The following LIPE variants were observed in gnomAD, a reference collection of about 807,000 sequenced individuals.
LIPE encodes hormone-sensitive lipase.
LIPE carries 66 observed loss-of-function variants against 88.5 expected under a neutral mutation model. The ratio of observed to expected loss-of-function variants is 0.75; its 90% confidence interval spans 0.61 to 0.91. The LOEUF (loss-of-function observed/expected upper bound fraction) is 0.91, where lower values mean the gene tolerates loss of function less well. LIPE is among the 40% of genes least tolerant of loss of function. The probability of loss-of-function intolerance (pLI) is 0.00; values close to 1 mark genes in which losing one functional copy is unlikely to be tolerated. For synonymous variants in LIPE, 570 were observed against 617.5 expected (o/e 0.92, Z 1.14); for missense variants, 1,346 against 1,434.7 (o/e 0.94, Z 1.00).
At position 42,408,090 on chromosome 19, in the gene LIPE, G is replaced by A. The variant is rs1357851440; in HGVS notation, c.1542C>T (p.Gly514=). Residue 514 remains glycine (G), a synonymous_variant, in exon 4 of 10, where the codon GGC becomes GGT. Transcript: ENST00000244289. The surrounding 1 kb of genome is among the most constrained non-coding windows in gnomAD (Gnocchi z 4.3). ...GCAGCTCGGGGTCGATGGCAAAGCGGCCGCTGGTGAAGAGAGAGCTGGCGG... is the reference window on the plus strand; with the variant it reads ...GCAGCTCGGGGTCGATGGCAAAGCGACCGCTGGTGAAGAGAGAGCTGGCGG... The part of the protein sequence containing the change: ...SVAASSLFTS[G]RFAIDPELRG... 6.2e-7 allele frequency: 1 copy of A among 1,613,922 alleles called. No homozygotes were observed. Among genetic ancestry groups the A allele is most frequent in the Non-Finnish European group, 8.5e-7 (1 of 1,179,944 alleles).
Position 42,408,936 on chromosome 19 carries a change from T to C in LIPE, c.1420-614A>G, listed in dbSNP as rs986280400. ...GTGGGGAGAGGGGCAGGTGGTGACA[T>C]TGGAGAGGCAAAGGGGGCTCATATA... On this transcript the variant is annotated intron_variant, in intron 2 of 9. Coordinates refer to ENST00000244289, the MANE Select transcript of LIPE (RefSeq NM_005357.4). This position sits in a 1 kb window ranked among gnomAD's most constrained non-coding sequence, Gnocchi z 4.3. Among the ~76,000 whole-genome samples, 9 of 151,516 alleles carry C rather than the reference T, an allele frequency of 5.9e-5. No individual in the cohort carries two copies. The highest frequency in any genetic ancestry group is 3.9e-4 in the East Asian group (2 of 5,148).
In LIPE at chr19:42,409,819, G is replaced by A. The variant is rs371740474; in HGVS notation, c.1419+488C>T. The stretch of plus-strand genomic sequence containing the variant: ...TGTGGGTTCAGCCCTGGTGAGGGGA[G>A]GTTTCCAGGAATGCCTGGGCTGGGT... On this transcript the variant is annotated intron_variant, in intron 2 of 9. Transcript: ENST00000244289. Among the ~76,000 whole-genome samples the A allele has an allele frequency of 4.6e-5, 7 of 152,340 alleles. No homozygotes were observed. The South Asian group carries it at 1.4e-3, about 32-fold the overall frequency.
rs1040983034 is a variant in LIPE at position 42,408,338 on chromosome 19, G to C, written c.1420-16C>G. The C allele has an allele frequency of 6.2e-7, 1 of 1,606,372 alleles. No homozygotes were observed. Among genetic ancestry groups the C allele is most frequent in the South Asian group, 1.1e-5 (1 of 90,948 alleles). On this transcript the variant is annotated splice_polypyrimidine_tract_variant and intron_variant, in intron 2 of 9. Coordinates refer to ENST00000244289, the MANE Select transcript of LIPE (RefSeq NM_005357.4). This position sits in a 1 kb window ranked among gnomAD's most constrained non-coding sequence, Gnocchi z 4.3. ...CAGGCGTGAACTGTGGAGAGACGCG[G>C]CTGCGTCACCCACCGCTCAAGAGAG...
intron 1 of LIPE, among the ~76,000 whole-genome samples, chr19:42,421,230 TTTCCTC>T (rs1303672383): frequency 1.3e-5 from 2 of 152,092 alleles, no homozygotes; most frequent in Non-Finnish European, 2.9e-5. Flanking sequence ...GCCTGCCCTG[TTTCCTC>T]TTCCTCTTCC....
intron 9 of LIPE, 110 bp downstream of exon 9, chr19:42,402,497 T>G: frequency 1.0e-6 from 1 of 981,440 alleles, no homozygotes; most frequent in Non-Finnish European, 1.4e-6. Flanking sequence ...TGTCCCTTTC[T>G]CCCCACTCCG....
chr19:42,410,288 C>T lies in LIPE; in HGVS notation c.1419+19G>A. 6.5e-7 allele frequency: 1 copy of T among 1,541,976 alleles called. No homozygotes were observed. The highest frequency in any genetic ancestry group is 8.8e-7 in the Non-Finnish European group (1 of 1,141,166). ...TGCCTTCATTGTGGGCCCAGAGGGG[C>T]ACGGGGCAGGGGGCTCACCTGGAAG... is the stretch of plus-strand genomic sequence containing the variant. On this transcript the variant is annotated intron_variant, in intron 2 of 9. Transcript: ENST00000244289. This position sits in a 1 kb window ranked among gnomAD's most constrained non-coding sequence, Gnocchi z 6.1.
rs546397416 is a variant in LIPE at position 42,402,889 on chromosome 19, C to G, written c.2685G>C (p.Ser895=). ...AGGGGCTAAGTGTCTCAGCTGACAG[C>G]GACATCTCGGGGGTGTCCGACGACG... ...SETSSDTPEM[S]LSAETLSPST... The change falls in exon 9 of 10, where the codon TCG becomes TCC. Residue 895 remains serine, a synonymous_variant. Coordinates refer to ENST00000244289, the MANE Select transcript of LIPE (RefSeq NM_005357.4). 8 of 1,613,502 alleles carry G rather than the reference C, an allele frequency of 5.0e-6. No homozygotes were observed. The Admixed American group carries it at 1.3e-4, about 27-fold the overall frequency.
Position 42,414,526 on chromosome 19 carries a change from AT to A in LIPE, c.884-3685del, listed in dbSNP as rs2040451167. On this transcript the variant is annotated intron_variant, in intron 1 of 9. Transcript: ENST00000244289. This position sits in a 1 kb window ranked among gnomAD's most constrained non-coding sequence, Gnocchi z 4.6. ...CCTTCCTGAGATGGTGTATTGGGTG[AT>A]TTTTCTCTGCGGCACTTGTCACCAT... is the stretch of plus-strand genomic sequence containing the variant. 6.6e-6 allele frequency among the ~76,000 whole-genome samples: 1 copy of A among 152,016 alleles called. No homozygotes were observed. Among genetic ancestry groups the A allele is most frequent in the Admixed American group, 6.6e-5 (1 of 15,258 alleles).
intron 9 of LIPE, 81 bp from the exon 10 acceptor site, chr19:42,402,156 TG>T: frequency 2.3e-6 from 3 of 1,322,116 alleles, no homozygotes; most frequent in Non-Finnish European, 3.0e-6. Flanking sequence ...AGGGGTTTGA[TG>T]AACAAAGGGA....
In LIPE at chr19:42,407,945, C is replaced by T. The variant is rs758629581; in HGVS notation, c.1656+31G>A. ...TGTGGCCTCAGATGAGTCTCTGGGC[C>T]TCAGTGTCCCCATCTGCAACAGGCC... is the stretch of plus-strand genomic sequence containing the variant. On this transcript the variant is annotated intron_variant, in intron 4 of 9. Coordinates refer to ENST00000244289, the MANE Select transcript of LIPE (RefSeq NM_005357.4). The surrounding 1 kb of genome is among the most constrained non-coding windows in gnomAD (Gnocchi z 5.8). The T allele has an allele frequency of 3.7e-6, 6 of 1,603,934 alleles. No individual in the cohort carries two copies. Among genetic ancestry groups the T allele is most frequent in the South Asian group, 1.1e-5 (1 of 90,178 alleles).
chr19:42,425,466 G>A (rs1284647154), intron 1 of LIPE, among the ~76,000 whole-genome samples: 1 of 152,104 alleles, frequency 6.6e-6, no homozygotes, highest in African/African-American at 2.4e-5. Context: ...GCATGGCCCT[G>A]TGCAAGAACC....
chr19:42,402,554 G>A, intron 9 of LIPE, 53 bp downstream of exon 9: 1 of 1,395,508 alleles, frequency 7.2e-7, no homozygotes, highest in South Asian at 1.9e-5. Context: ...CCTCCTCCCC[G>A]GGTGCCCTGC....
intron 1 of LIPE, chr19:42,411,318 C>T: frequency 1.0e-6 from 1 of 985,188 alleles, no homozygotes; most frequent in African/African-American, 1.7e-5. Flanking sequence ...TTCCAGGAAC[C>T]CAAGAGTCTA....
chr19:42,418,130 C>T (rs2040526791), intron 1 of LIPE, among the ~76,000 whole-genome samples: 1 of 152,126 alleles, frequency 6.6e-6, no homozygotes, highest in African/African-American at 2.4e-5. Flanking sequence ...CTACAGGTGC[C>T]TGCCACCGCG....
At chr19:42,423,750 C>A (rs1467913350) in intron 1 of LIPE, 1 of 1,122,468 alleles carries the variant, frequency 8.9e-7, no homozygotes, top group Non-Finnish European at 1.1e-6. Flanking sequence ...CGCCCCCTAC[C>A]GCGCATTAAA....
intron 1 of LIPE, among the ~76,000 whole-genome samples, chr19:42,413,919 A>G (rs1012360021): frequency 2.6e-5 from 4 of 152,192 alleles, no homozygotes; most frequent in Non-Finnish European, 5.9e-5. Flanking sequence ...GCCCCTCCCC[A>G]GGGCTGGCAG....
intron 8 of LIPE, among the ~76,000 whole-genome samples, chr19:42,403,241 A>ATGTGTGTGTGTG (rs56983822): frequency 9.8e-5 from 9 of 91,896 alleles, no homozygotes; most frequent in Admixed American, 6.6e-4. Context: ...CTAGTGAAGG[A>ATGTGTGTGTGTG]TGTGTGTGTG....
At chr19:42,404,316 C>T (rs541273754) in intron 8 of LIPE, among the ~76,000 whole-genome samples, 8 of 151,494 alleles carry the variant, frequency 5.3e-5, no homozygotes, top group South Asian at 2.1e-4. Context: ...ACTGCAACCT[C>T]GTCTCTTGGG....
At chr19:42,418,336 CAT>C (rs2040530582) in intron 1 of LIPE, among the ~76,000 whole-genome samples, 1 of 152,160 alleles carries the variant, frequency 6.6e-6, no homozygotes, top group Non-Finnish European at 1.5e-5. Flanking sequence ...AACAGCATCA[CAT>C]GTTACAGAGA....
Sources: gnomAD v4.1 joint callset for allele counts (sites outside exome capture counted in the v4.1 genomes callset) on GRCh38, gnomAD v4.1.1 for gene constraint, Gnocchi (gnomAD v3.1) non-coding constraint, MANE v1.5 for transcripts, NCBI Gene and HGNC (gene_info 2026-07-23, HGNC 2026-07-21) for gene names.